ZNF345: variants seen among roughly 807,000 people sequenced by gnomAD.
ZNF345 encodes the protein zinc finger protein 345, also known as zinc finger protein HZF10.
For synonymous variants in ZNF345, 166 were observed against 187.9 expected (o/e 0.88, Z 0.95); for missense variants, 527 against 589.9 (o/e 0.89, Z 1.10).
chr19:36,858,702 G>A (rs1316241313), intron 2 of ZNF345, among the ~76,000 whole-genome samples: 1 of 152,142 alleles, frequency 6.6e-6, no homozygotes, highest in Non-Finnish European at 1.5e-5. Flanking sequence ...GGAGGTGGAG[G>A]TTGCAGGGAG....
intron 3 of ZNF345, among the ~76,000 whole-genome samples, chr19:36,885,312 T>C (rs748910453): frequency 2.6e-5 from 4 of 151,730 alleles, no homozygotes; most frequent in Middle Eastern, 3.4e-3. Flanking sequence ...TTTGATATCT[T>C]GTATGCAGGG....
chr19:36,875,556 T>C (rs1462960759), intron 2 of ZNF345, among the ~76,000 whole-genome samples: 1 of 152,126 alleles, frequency 6.6e-6, no homozygotes, highest in Non-Finnish European at 1.5e-5. Context: ...AAGAGCGAGT[T>C]CATTTTGAGC....
intron 2 of ZNF345, among the ~76,000 whole-genome samples, chr19:36,861,593 G>A (rs1008286092): frequency 2.6e-5 from 4 of 151,846 alleles, no homozygotes; most frequent in East Asian, 1.9e-4. Flanking sequence ...ACGGAGTCTC[G>A]CTCTATCACC....
chr19:36,857,589 G>GT (rs1356807181), intron 2 of ZNF345, among the ~76,000 whole-genome samples: 5 of 150,690 alleles, frequency 3.3e-5, no homozygotes, highest in African/African-American at 1.2e-4. Flanking sequence ...GATTACAGGC[G>GT]TGAGCCACTG....
chr19:36,876,920 TC>T lies in ZNF345; in HGVS notation c.91del (p.Gln31ArgfsTer8). The T allele has an allele frequency of 6.2e-7, 1 of 1,614,126 alleles. No individual in the cohort carries two copies. Among genetic ancestry groups the T allele is most frequent in the Non-Finnish European group, 8.5e-7 (1 of 1,179,986 alleles). ...KNQFERKQGSQEGHFSEMIFT... is the reference protein window; with the variant it reads ...KNQFERKQGSXEGHFSEMIFT... ...ACCAGTTTGAGAGAAAACAGGGATC[TC>T]AGGAAGGACATTTCAGTGAAATGAT... On this transcript the variant is annotated frameshift_variant, in exon 3 of 3. Transcript: ENST00000420450. LOFTEE classifies it low-confidence loss of function (END_TRUNC).
At chr19:36,860,182 C>T (rs944717551) in intron 2 of ZNF345, among the ~76,000 whole-genome samples, 4 of 152,158 alleles carry the variant, frequency 2.6e-5, no homozygotes, top group African/African-American at 7.2e-5. Flanking sequence ...TGGTCTCAAT[C>T]TCCTGACCTC....
chr19:36,878,366 A>G lies in ZNF345; in HGVS notation c.*69A>G, dbSNP rs1054076815. ...AATTCATAGTGGTGAAAATCTCTAC[A>G]AATAGAACTAAGGTACAAATGCCTT... On this transcript the variant is annotated 3_prime_UTR_variant, in exon 3 of 3. Transcript: ENST00000420450. The G allele has an allele frequency of 2.2e-5, 32 of 1,434,192 alleles. No individual in the cohort carries two copies. The highest frequency in any genetic ancestry group is 2.9e-5 in the African/African-American group (2 of 69,948). 88.8% of individuals were successfully genotyped at this position (1,434,192 alleles called of 1,614,324 possible).
chr19:36,892,841 AC>A lies in ZNF345; in HGVS notation c.73del (p.Gln25SerfsTer25). ...AGATCCCCCACAGGCGCTGCCTGAG[AC>A]CCAGCTCTGTGTCTCCTCGTCGTAC... On this transcript the variant is annotated frameshift_variant, in exon 4 of 4. Transcript: ENST00000526123. LOFTEE classifies it high-confidence loss of function. The A allele has an allele frequency of 9.5e-7, 1 of 1,050,628 alleles. No individual in the cohort carries two copies. Among genetic ancestry groups the A allele is most frequent in the South Asian group, 4.3e-5 (1 of 23,218 alleles). The allele number at this position is 1,050,628 out of a possible 1,614,324, so 65.1% of individuals were successfully genotyped here. A position where few individuals can be genotyped will look rare whatever the true frequency, so the allele number is the denominator to read the frequency against.
intron 2 of ZNF345, among the ~76,000 whole-genome samples, chr19:36,864,575 G>C (rs996073099): frequency 5.9e-5 from 9 of 152,032 alleles, no homozygotes; most frequent in Non-Finnish European, 1.0e-4. Context: ...ATGGTAGAGA[G>C]TCCGAGGAAG....
At chr19:36,891,556 T>A in intron 3 of ZNF345, 1 of 1,609,194 alleles carries the variant, frequency 6.2e-7, no homozygotes, top group Non-Finnish European at 8.5e-7. Flanking sequence ...CTTTCCACAT[T>A]CCTTACAGTC....
In ZNF345 at chr19:36,856,118, TCTTTA is replaced by T. The variant is rs1477184122; in HGVS notation, c.-47+4219_-47+4223del. The stretch of plus-strand genomic sequence containing the variant: ...GGTGTTGAGAAAATGTTATTTCCCT[TCTTTA>T]CTTTTCTTTCTTGGGACCTCTATAT... On this transcript the variant is annotated intron_variant, in intron 2 of 2. Coordinates refer to ENST00000420450, the MANE Select transcript of ZNF345 (RefSeq NM_001242472.2). Among the ~76,000 whole-genome samples the T allele has an allele frequency of 3.3e-5, 5 of 152,186 alleles. 1 individual carries two copies. The highest frequency in any genetic ancestry group is 4.1e-4 in the South Asian group (2 of 4,828).
intron 3 of ZNF345, chr19:36,892,022 C>A (rs1314400993): frequency 6.2e-7 from 1 of 1,613,460 alleles, no homozygotes; most frequent in East Asian, 2.2e-5. Flanking sequence ...CTCTGATGAT[C>A]ATTAAGGTTT....
chr19:36,892,572 A>G (rs1169086900), intron 3 of ZNF345: 1 of 1,273,034 alleles, frequency 7.9e-7, no homozygotes, highest in East Asian at 2.3e-5. Flanking sequence ...TATCTGAGAA[A>G]TTACACAGTT....
intron 2 of ZNF345, among the ~76,000 whole-genome samples, chr19:36,863,584 A>T (rs1482525553): frequency 6.6e-6 from 1 of 152,208 alleles, no homozygotes; most frequent in Non-Finnish European, 1.5e-5. Flanking sequence ...TGAATTCAAC[A>T]TTCATCATAA....
chr19:36,852,061 C>T (rs2072279472), intron 2 of ZNF345, among the ~76,000 whole-genome samples, 157 bp downstream of exon 2: 1 of 151,702 alleles, frequency 6.6e-6, no homozygotes, highest in East Asian at 1.9e-4. Flanking sequence ...ACCTCCCACA[C>T]CTGATTTTCC....
At chr19:36,869,081 C>T (rs2072723463) in intron 2 of ZNF345, among the ~76,000 whole-genome samples, 1 of 151,992 alleles carries the variant, frequency 6.6e-6, no homozygotes, top group Admixed American at 6.6e-5. Flanking sequence ...TACTAGCTGC[C>T]CAGAGTTAGT....
At chr19:36,872,262 C>G (rs1168870710) in intron 2 of ZNF345, among the ~76,000 whole-genome samples, 1 of 152,122 alleles carries the variant, frequency 6.6e-6, no homozygotes, top group Non-Finnish European at 1.5e-5. Context: ...AACATATTGT[C>G]AGGTTGCTCT....
chr19:36,869,940 G>T (rs1568356470), intron 2 of ZNF345, among the ~76,000 whole-genome samples: 1 of 151,940 alleles, frequency 6.6e-6, no homozygotes, highest in African/African-American at 2.4e-5. Flanking sequence ...CACCATGCCT[G>T]ACTAACTGTT....
chr19:36,866,930 G>T (rs2072673062), intron 2 of ZNF345, among the ~76,000 whole-genome samples: 2 of 152,100 alleles, frequency 1.3e-5, no homozygotes, highest in South Asian at 4.1e-4. Context: ...AGTGTATTTT[G>T]TCCAACATAT....
Sources: allele counts gnomAD v4.1 joint callset (sites outside exome capture counted in the v4.1 genomes callset), GRCh38; gene constraint gnomAD v4.1.1; transcripts MANE v1.5; gene names NCBI Gene and HGNC (gene_info 2026-07-23, HGNC 2026-07-21).